The following FAF1 variants were observed in gnomAD, a reference collection of about 807,000 sequenced individuals.
FAF1 encodes the protein Fas associated factor 1.
In FAF1, 25 loss-of-function variants were observed where a neutral mutation model predicts 92.5. That is an observed-to-expected ratio of 0.27 (90% confidence interval 0.20 to 0.38). FAF1 has a LOEUF of 0.38. FAF1 is among the 10% of genes least tolerant of loss of function. The probability of loss-of-function intolerance (pLI) is 1.00; values close to 1 mark genes in which losing one functional copy is unlikely to be tolerated. For missense variants in FAF1, 636 were observed against 793.3 expected (o/e 0.80, Z 2.38); for synonymous variants, 234 against 273.2 (o/e 0.86, Z 1.42).
intron 1 of FAF1, among the ~76,000 whole-genome samples, chr1:50,897,766 C>G (rs1644768387): frequency 6.6e-6 from 1 of 152,202 alleles, no homozygotes; most frequent in African/African-American, 2.4e-5. Flanking sequence ...TCACTAGGCT[C>G]AGACATATGA....
At position 50,865,371 on chromosome 1, in the gene FAF1, A is replaced by G. The variant is rs1228027477; in HGVS notation, c.46-7374T>C. 2.4e-3 allele frequency among the ~76,000 whole-genome samples: 360 copies of G among 150,946 alleles called. 1 individual carries two copies. Among genetic ancestry groups the G allele is most frequent in the Admixed American group, 4.0e-3 (60 of 15,114 alleles). On this transcript the variant is annotated intron_variant, in intron 1 of 18. Coordinates refer to ENST00000396153, the MANE Select transcript of FAF1 (RefSeq NM_007051.3). ...CCAAAGGACTATAAATCATGCTGCT[A>G]TAAAGACACATGCACACGTATGTTT... is the stretch of plus-strand genomic sequence containing the variant.
intron 15 of FAF1, among the ~76,000 whole-genome samples, chr1:50,532,024 A>G (rs548797100): frequency 1.0e-3 from 159 of 152,166 alleles, no homozygotes; most frequent in Non-Finnish European, 2.0e-3. Flanking sequence ...CAAATTCACA[A>G]TTACAAGGGA....
chr1:50,936,395 A>G (rs1038981046), intron 1 of FAF1, among the ~76,000 whole-genome samples: 1 of 152,220 alleles, frequency 6.6e-6, no homozygotes, highest in Admixed American at 6.5e-5. Context: ...CTGTCAGAGA[A>G]GACTTCACAG....
intron 1 of FAF1, among the ~76,000 whole-genome samples, chr1:50,870,509 C>A (rs755605253): frequency 6.6e-6 from 1 of 152,220 alleles, no homozygotes; most frequent in Non-Finnish European, 1.5e-5. Context: ...CTGCATCGAG[C>A]AAGTCCATCA....
intron 2 of FAF1, among the ~76,000 whole-genome samples, chr1:50,847,102 T>C (rs1045095009): frequency 2.0e-5 from 3 of 152,182 alleles, no homozygotes; most frequent in Non-Finnish European, 4.4e-5. Flanking sequence ...TGAGGACTTT[T>C]CCCCTTACAA....
intron 12 of FAF1, among the ~76,000 whole-genome samples, chr1:50,580,909 C>T (rs1650961156): frequency 6.6e-6 from 1 of 152,106 alleles, no homozygotes; most frequent in African/African-American, 2.4e-5. Flanking sequence ...GTAGCTGGGA[C>T]TAGAGGCATG....
In FAF1 at chr1:50,567,111, C is replaced by T; in HGVS notation, c.1234G>A (p.Ala412Thr). Residue 412 changes from alanine to threonine, a missense_variant, in exon 13 of 19, where the codon GCT (alanine) becomes ACT (threonine). Physicochemically the swap from Ala to Thr is moderately conservative, Grantham distance 58. Coordinates refer to ENST00000396153, the MANE Select transcript of FAF1 (RefSeq NM_007051.3). The part of the protein sequence containing the change: ...SYLSQNFITW[A>T]WDLTKDSNRA... ...TTGGAGTCCTTTGTCAGATCCCAAG[C>T]CCAGGTTATAAAATTTTGACTCAGA... 6.2e-7 allele frequency: 1 copy of T among 1,608,946 alleles called. No individual in the cohort carries two copies. Among genetic ancestry groups the T allele is most frequent in the South Asian group, 1.1e-5 (1 of 90,320 alleles).
intron 1 of FAF1, among the ~76,000 whole-genome samples, chr1:50,947,190 C>T (rs111997851): frequency 2.2e-5 from 3 of 139,100 alleles, no homozygotes; most frequent in Admixed American, 1.5e-4. Flanking sequence ...ACCACTACTT[C>T]CCTTAGGGAA....
chr1:50,487,584 T>G (rs986245990), intron 17 of FAF1, among the ~76,000 whole-genome samples: 5 of 152,210 alleles, frequency 3.3e-5, no homozygotes, highest in African/African-American at 1.2e-4. Flanking sequence ...ACAGCCTTTC[T>G]CCTTATTAGG....
intron 1 of FAF1, among the ~76,000 whole-genome samples, chr1:50,930,107 T>C (rs1645036976): frequency 6.6e-6 from 1 of 152,194 alleles, no homozygotes; most frequent in African/African-American, 2.4e-5. Flanking sequence ...TCTGGGGGTG[T>C]AGTTAACAAA....
At chr1:50,746,273 TATATATATATATATATATA>T (rs1176126720) in intron 4 of FAF1, among the ~76,000 whole-genome samples, 36 of 19,890 alleles carry the variant, frequency 1.8e-3, no homozygotes, top group African/African-American at 4.0e-3. Context: ...TATATATATA[TATATATATATATATATATA>T]TTTTTTTTTT....
At chr1:50,739,152 G>A (rs995863937) in intron 5 of FAF1, among the ~76,000 whole-genome samples, 198 bp from the exon 6 acceptor site, 4 of 151,648 alleles carry the variant, frequency 2.6e-5, no homozygotes, top group Admixed American at 2.6e-4. Context: ...ATATATAGGG[G>A]AAATATGGTT....
chr1:50,567,012 T>C, intron 13 of FAF1, 65 bp downstream of exon 13: 1 of 1,253,840 alleles, frequency 8.0e-7, no homozygotes, highest in Admixed American at 2.4e-5. Context: ...TTTATGATGA[T>C]GATAAACACA....
At chr1:50,612,012 A>G (rs1652707482) in intron 8 of FAF1, among the ~76,000 whole-genome samples, 1 of 152,238 alleles carries the variant, frequency 6.6e-6, no homozygotes, top group South Asian at 2.1e-4. Flanking sequence ...AATCACACAT[A>G]TTGGTGAACG....
chr1:50,455,112 C>T (rs565629101), intron 18 of FAF1, among the ~76,000 whole-genome samples: 1 of 152,228 alleles, frequency 6.6e-6, no homozygotes, highest in Non-Finnish European at 1.5e-5. Context: ...TCCAGCAGCT[C>T]CCTTGGCTCT....
intron 14 of FAF1, 131 bp from the exon 15 acceptor site, chr1:50,535,588 G>T: frequency 1.8e-6 from 1 of 540,834 alleles, no homozygotes; most frequent in Non-Finnish European, 3.2e-6. Context: ...AAAAATTACA[G>T]TTAAAATACT....
chr1:50,766,005 T>C (rs374582460), intron 4 of FAF1, among the ~76,000 whole-genome samples: 2 of 151,932 alleles, frequency 1.3e-5, no homozygotes, highest in Non-Finnish European at 1.5e-5. Context: ...GGCAGAAGAA[T>C]AGCTTGAACC....
intron 18 of FAF1, among the ~76,000 whole-genome samples, chr1:50,452,860 T>C (rs1338350269): frequency 3.9e-5 from 6 of 152,200 alleles, no homozygotes; most frequent in Admixed American, 3.9e-4. Flanking sequence ...TACCATGAGA[T>C]AAGATCCAAA....
chr1:50,550,352 A>T (rs946558352), intron 13 of FAF1, among the ~76,000 whole-genome samples: 6 of 35,302 alleles, frequency 1.7e-4, no homozygotes, highest in African/African-American at 4.8e-4. Context: ...CTCCGTCTTT[A>T]AAAAAAAAAA....
Sources: allele counts gnomAD v4.1 joint callset (sites outside exome capture counted in the v4.1 genomes callset), GRCh38; gene constraint gnomAD v4.1.1; transcripts MANE v1.5; gene names NCBI Gene and HGNC (gene_info 2026-07-23, HGNC 2026-07-21).